ACTR3B: variants seen among roughly 807,000 people sequenced by gnomAD.
ACTR3B encodes the protein actin-related protein 3B.
In ACTR3B, 8 loss-of-function variants were observed where a neutral mutation model predicts 59.0. The observed-to-expected ratio is 0.14, with a 90% CI of 0.08 to 0.24. The LOEUF (loss-of-function observed/expected upper bound fraction) is 0.24. Ranked by LOEUF, ACTR3B falls within the 10% of genes least tolerant of loss-of-function variation. ACTR3B has a pLI of 1.00. For missense variants in ACTR3B, 245 were observed against 552.3 expected (o/e 0.44, Z 5.58); for synonymous variants, 148 against 197.9 (o/e 0.75, Z 2.12).
chr7:152,792,473 G>T (rs1369171153), intron 2 of ACTR3B, among the ~76,000 whole-genome samples: 1 of 151,640 alleles, frequency 6.6e-6, no homozygotes, highest in Non-Finnish European at 1.5e-5. Context: ...ACATAGGCCG[G>T]GCACGGTGGC....
Position 152,833,538 on chromosome 7 carries a change from C to T in ACTR3B, c.951+8416C>T, listed in dbSNP as rs1018328128. ...GGAGAGGGGAAGGCGTGTCTGTGAG[C>T]GGTTCTTTACCTTGCACCTGCAGTT... is the stretch of plus-strand genomic sequence containing the variant. On this transcript the variant is annotated intron_variant, in intron 9 of 11. Transcript: ENST00000256001. 3.9e-5 allele frequency among the ~76,000 whole-genome samples: 6 copies of T among 152,156 alleles called. 1 individual carries two copies. The highest frequency in any genetic ancestry group is 1.4e-4 in the African/African-American group (6 of 41,436).
intron 4 of ACTR3B, among the ~76,000 whole-genome samples, chr7:152,802,988 C>T (rs1036652716): frequency 6.6e-6 from 1 of 152,212 alleles, no homozygotes; most frequent in South Asian, 2.1e-4. Flanking sequence ...CTGCATTTCA[C>T]AGGCCACTCT....
intron 9 of ACTR3B, among the ~76,000 whole-genome samples, chr7:152,827,596 C>T (rs1473737868): frequency 2.6e-5 from 4 of 151,518 alleles, no homozygotes; most frequent in African/African-American, 9.7e-5. Flanking sequence ...GTAGGCTCCA[C>T]CACCGTGTTG....
At chr7:152,772,537 CAA>C (rs1392193012) in intron 1 of ACTR3B, among the ~76,000 whole-genome samples, 4 of 151,274 alleles carry the variant, frequency 2.6e-5, no homozygotes, top group South Asian at 2.1e-4. Context: ...AAGGAAAAAA[CAA>C]GAGTAGGGGA....
intron 5 of ACTR3B, among the ~76,000 whole-genome samples, chr7:152,815,666 G>A (rs182957551): frequency 0.056 from 8,528 of 152,174 alleles, 329 homozygotes; most frequent in South Asian, 0.12. Flanking sequence ...CCCACCTCAA[G>A]CCTCCCCGCC....
intron 6 of ACTR3B, among the ~76,000 whole-genome samples, chr7:152,817,729 A>G (rs1795820921): frequency 6.6e-6 from 1 of 152,202 alleles, no homozygotes; most frequent in Non-Finnish European, 1.5e-5. Context: ...GTATGTGTAT[A>G]TATTTACATA....
chr7:152,759,877 C>T lies in ACTR3B; in HGVS notation c.-6C>T, dbSNP rs1327341870. On this transcript the variant is annotated 5_prime_UTR_variant, in exon 1 of 12. Transcript: ENST00000256001. ...CCGGCGGGGCCGAGCGCCGCGCGTCCCGAGCATGGCAGGCTCCCTGCCTCC... is the reference window on the plus strand; with the variant it reads ...CCGGCGGGGCCGAGCGCCGCGCGTCTCGAGCATGGCAGGCTCCCTGCCTCC... The T allele has an allele frequency of 6.0e-6, 8 of 1,334,170 alleles. No individual in the cohort carries two copies. The highest frequency in any genetic ancestry group is 3.0e-5 in the African/African-American group (2 of 66,370). The allele number at this position is 1,334,170 out of a possible 1,614,324, so 82.6% of individuals were successfully genotyped here.
chr7:152,781,643 G>A (rs1257065215), intron 1 of ACTR3B, among the ~76,000 whole-genome samples: 1 of 152,058 alleles, frequency 6.6e-6, no homozygotes, highest in African/African-American at 2.4e-5. Flanking sequence ...GGATTCCATA[G>A]GCATCTTTAG....
At chr7:152,816,337 CA>C (rs1795692419) in intron 5 of ACTR3B, 143 bp from the exon 6 acceptor site, 1 of 616,788 alleles carries the variant, frequency 1.6e-6, no homozygotes, top group African/African-American at 1.8e-5. Flanking sequence ...ATTTGAGGGA[CA>C]GGGGTTAGAG....
At chr7:152,842,279 T>C (rs888507624) in intron 9 of ACTR3B, among the ~76,000 whole-genome samples, 1 of 152,184 alleles carries the variant, frequency 6.6e-6, no homozygotes. Flanking sequence ...AATAATAATA[T>C]GGATCAGTTA....
intron 9 of ACTR3B, among the ~76,000 whole-genome samples, chr7:152,849,903 C>A (rs1163020367): frequency 6.6e-6 from 1 of 152,216 alleles, no homozygotes; most frequent in Non-Finnish European, 1.5e-5. Flanking sequence ...GGCCAGATCC[C>A]TGGTGGCTTC....
At chr7:152,803,763 G>A (rs1224093163) in intron 4 of ACTR3B, among the ~76,000 whole-genome samples, 1 of 152,156 alleles carries the variant, frequency 6.6e-6, no homozygotes, top group Non-Finnish European at 1.5e-5. Context: ...CTAAAAATGG[G>A]CACCTGCAAT....
intron 9 of ACTR3B, among the ~76,000 whole-genome samples, chr7:152,851,287 A>G (rs1044433176): frequency 6.6e-6 from 1 of 152,162 alleles, no homozygotes; most frequent in Non-Finnish European, 1.5e-5. Context: ...TCTGTACCAT[A>G]CTCACCCTTC....
chr7:152,789,230 A>G (rs2098186447), intron 2 of ACTR3B, among the ~76,000 whole-genome samples: 1 of 150,110 alleles, frequency 6.7e-6, no homozygotes, highest in African/African-American at 2.5e-5. Context: ...TCTCTACCAG[A>G]AATAAAAATA....
chr7:152,834,198 G>C (rs1797258275), intron 9 of ACTR3B, among the ~76,000 whole-genome samples: 1 of 150,424 alleles, frequency 6.6e-6, no homozygotes, highest in African/African-American at 2.4e-5. Context: ...TTGTCGCCCA[G>C]CCTGGAGTGC....
intron 2 of ACTR3B, chr7:152,786,399 A>G (rs186198924): frequency 0.081 from 18,777 of 231,858 alleles, 911 homozygotes; most frequent in Non-Finnish European, 0.096. Flanking sequence ...CTAAAAATAC[A>G]AAAATTAACC....
intron 7 of ACTR3B, 115 bp from the exon 8 acceptor site, chr7:152,823,227 G>A (rs1590371730): frequency 7.0e-7 from 1 of 1,423,976 alleles, no homozygotes; most frequent in African/African-American, 1.4e-5. Context: ...GAGTTACGGT[G>A]GGGGCGGTTC....
At position 152,851,949 on chromosome 7, in the gene ACTR3B, T is replaced by TA. The variant is rs376448778; in HGVS notation, c.952-167dup. ...CATCTGTGGCACATTGTTGTCTCCA[T>TA]AAAAAAAAAATCTACACTTTTCCAA... On this transcript the variant is annotated intron_variant, in intron 9 of 11. Coordinates refer to ENST00000256001, the MANE Select transcript of ACTR3B (RefSeq NM_020445.6). Among the ~76,000 whole-genome samples the TA allele has an allele frequency of 4.1e-3, 592 of 146,070 alleles. 5 individuals are homozygous for TA. The highest frequency in any genetic ancestry group is 0.014 in the African/African-American group (574 of 39,622).
intron 9 of ACTR3B, among the ~76,000 whole-genome samples, chr7:152,830,280 G>A (rs1462154573): frequency 2.6e-5 from 4 of 152,152 alleles, no homozygotes; most frequent in Non-Finnish European, 1.5e-5. Context: ...CGGTGGTGGG[G>A]AAGGTAGTGG....
Sources: gnomAD v4.1 joint callset for allele counts (sites outside exome capture counted in the v4.1 genomes callset) on GRCh38, gnomAD v4.1.1 for gene constraint, MANE v1.5 for transcripts, NCBI Gene and HGNC (gene_info 2026-07-23, HGNC 2026-07-21) for gene names.